Variants in CCNE2 observed in about 807,000 individuals in gnomAD.
The protein encoded by CCNE2 is cyclin E2, also known as G1/S-specific cyclin-E2.
In CCNE2, 18 loss-of-function variants were observed where a neutral mutation model predicts 56.8. That is an observed-to-expected ratio of 0.32 (90% CI 0.22 to 0.47). The LOEUF is 0.47. Among genes scored for constraint, CCNE2 ranks in the 20% least tolerant of loss-of-function variants. CCNE2 has a pLI of 1.00. For missense variants in CCNE2, 371 were observed against 467.1 expected (o/e 0.79, Z 1.90); for synonymous variants, 139 against 149.2 (o/e 0.93, Z 0.50).
intron 5 of CCNE2, chr8:94,891,098 G>A (rs1156900956): frequency 1.3e-5 from 2 of 152,180 alleles, no homozygotes; most frequent in African/African-American, 2.4e-5. Context: ...GTAACACAGT[G>A]GGAACCTGGA....
At chr8:94,885,881 G>A (rs949532880) in intron 7 of CCNE2, among the ~76,000 whole-genome samples, 1 of 151,850 alleles carries the variant, frequency 6.6e-6, no homozygotes, top group Non-Finnish European at 1.5e-5. Flanking sequence ...ACTGTGCCCG[G>A]CTATTTTTTG....
intron 6 of CCNE2, 68 bp from the exon 7 acceptor site, chr8:94,888,141 G>T: frequency 8.8e-7 from 1 of 1,139,302 alleles, no homozygotes; most frequent in Non-Finnish European, 1.2e-6. Context: ...TCATCTCTTA[G>T]CATATCAGAC....
intron 1 of CCNE2, 64 bp from the exon 2 acceptor site, chr8:94,894,311 T>C: frequency 5.2e-6 from 8 of 1,549,270 alleles, no homozygotes; most frequent in Non-Finnish European, 7.1e-6. Context: ...CAAGTGCCAG[T>C]AAGACGCTGA....
At chr8:94,890,578 T>TAC in intron 5 of CCNE2, 28 bp from the exon 6 acceptor site, 3 of 597,982 alleles carry the variant, frequency 5.0e-6, no homozygotes, top group African/African-American at 3.9e-5. Flanking sequence ...AAAAACCATA[T>TAC]ATATATATAT....
intron 6 of CCNE2, among the ~76,000 whole-genome samples, chr8:94,889,063 G>A (rs576276653): frequency 2.0e-5 from 3 of 151,832 alleles, no homozygotes; most frequent in Non-Finnish European, 4.4e-5. Flanking sequence ...CAAGAGAGTC[G>A]CTTGAACGCG....
At chr8:94,893,748 A>C in intron 4 of CCNE2, 143 bp downstream of exon 4, 6 of 779,704 alleles carry the variant, frequency 7.7e-6, no homozygotes, top group Non-Finnish European at 1.3e-5. Flanking sequence ...ACCCAAAGAT[A>C]GGCGCCTTCC....
chr8:94,892,504 A>G (rs1479878813), intron 5 of CCNE2, among the ~76,000 whole-genome samples: 1 of 152,224 alleles, frequency 6.6e-6, no homozygotes, highest in Non-Finnish European at 1.5e-5. Flanking sequence ...GCTGCAAGAA[A>G]CACGAATAAA....
Position 94,894,125 on chromosome 8 carries a change from G to A in CCNE2, c.15-6C>T. The A allele has an allele frequency of 1.9e-6, 3 of 1,613,630 alleles. No individual in the cohort carries two copies. The South Asian group carries it at 3.3e-5, about 18-fold the overall frequency. On this transcript the variant is annotated splice_polypyrimidine_tract_variant and splice_region_variant and intron_variant, in intron 2 of 11. Coordinates refer to ENST00000308108, the MANE Select transcript of CCNE2 (RefSeq NM_057749.3). ...GCTTAGCTTGTAAACGGCTACTGTAGTGAATTTTTAAAAAGGAAGTGTAAT... is the reference window on the plus strand; with the variant it reads ...GCTTAGCTTGTAAACGGCTACTGTAATGAATTTTTAAAAAGGAAGTGTAAT...
chr8:94,884,823 AAG>A (rs1816973468), intron 9 of CCNE2: 1 of 341,042 alleles, frequency 2.9e-6, no homozygotes, highest in East Asian at 4.8e-5. Flanking sequence ...TTATATCAAA[AAG>A]AGATACTTTA....
At position 94,888,072 on chromosome 8, in the gene CCNE2, A is replaced by G; in HGVS notation, c.455T>C (p.Val152Ala). 1 of 1,535,862 alleles carries G rather than the reference A, an allele frequency of 6.5e-7. No homozygotes were observed. The highest frequency in any genetic ancestry group is 8.8e-7 in the Non-Finnish European group (1 of 1,141,216). The change falls in exon 7 of 12, where the codon GTA becomes GCA. Residue 152 changes from valine to alanine, a missense_variant and splice_region_variant. By Grantham distance (64) the Val-to-Ala change is moderately conservative. Transcript: ENST00000308108. ...RSILLDWLLE[V>A]CEVYTLHRET... ...CCTATGAAGTGTGTATACTTCACAT[A>G]CCTAGAGAAGAATCCAAACATTTAA...
intron 6 of CCNE2, among the ~76,000 whole-genome samples, chr8:94,888,919 C>T (rs552322799): frequency 3.3e-5 from 5 of 152,246 alleles, no homozygotes; most frequent in African/African-American, 1.2e-4. Flanking sequence ...GAGGCCAAGG[C>T]GGGCGGATCA....
chr8:94,887,408 G>C (rs9650134), intron 7 of CCNE2, among the ~76,000 whole-genome samples: 1 of 152,268 alleles, frequency 6.6e-6, no homozygotes, highest in East Asian at 1.9e-4. Flanking sequence ...GGGAGGCTTA[G>C]GCAGAAGAAT....
intron 5 of CCNE2, chr8:94,891,783 C>CT (rs1817255189): frequency 6.9e-7 from 1 of 1,457,990 alleles, no homozygotes; most frequent in Non-Finnish European, 9.5e-7. Flanking sequence ...AGCAGTGGGA[C>CT]TGGACACAAG....
chr8:94,893,541 CA>C (rs1817323958), intron 4 of CCNE2: 2 of 226,004 alleles, frequency 8.8e-6, no homozygotes, highest in Admixed American at 1.1e-4. Context: ...AGTGATCTCA[CA>C]TCCTATTTAT....
At chr8:94,892,071 G>C in intron 5 of CCNE2, 1 of 672,722 alleles carries the variant, frequency 1.5e-6, no homozygotes, top group Non-Finnish European at 2.7e-6. Flanking sequence ...TATCCCAGAA[G>C]AAACTGAAGA....
rs1216552182 is a variant in CCNE2 at position 94,894,191 on chromosome 8, A to G, written c.14+17T>C. 1 of 1,614,010 alleles carries G rather than the reference A, an allele frequency of 6.2e-7. No homozygotes were observed. Among genetic ancestry groups the G allele is most frequent in the African/African-American group, 1.3e-5 (1 of 75,046 alleles). ...AGCAACTAATTTGAAACATGTCTCT[A>G]AGACAGATAATGTTACCTTCGTCTT... On this transcript the variant is annotated intron_variant, in intron 2 of 11. Transcript: ENST00000308108.
Position 94,892,986 on chromosome 8 carries a change from GAA to G in CCNE2, c.166-19_166-18del. 6.6e-7 allele frequency: 1 copy of G among 1,516,898 alleles called. No individual in the cohort carries two copies. The highest frequency in any genetic ancestry group is 8.7e-7 in the Non-Finnish European group (1 of 1,143,466). The allele number at this position is 1,516,898 out of a possible 1,614,324, so 94.0% of individuals were successfully genotyped here. The stretch of plus-strand genomic sequence containing the variant: ...CCAACAATTCTGTCATAAAAAAAAA[GAA>G]AAATATCAATTTGTGCAAGGAAAAC... On this transcript the variant is annotated intron_variant, in intron 4 of 11. Coordinates refer to ENST00000308108, the MANE Select transcript of CCNE2 (RefSeq NM_057749.3).
chr8:94,892,850 A>C lies in CCNE2; in HGVS notation c.285T>G (p.Leu95=). 2 of 1,474,048 alleles carry C rather than the reference A, an allele frequency of 1.4e-6. No homozygotes were observed. The highest frequency in any genetic ancestry group is 1.8e-6 in the Non-Finnish European group (2 of 1,096,028). 91.3% of individuals were successfully genotyped at this position (1,474,048 alleles called of 1,614,324 possible). A position where few individuals can be genotyped will look rare whatever the true frequency, so the allele number is the denominator to read the frequency against. ...CAGGCAAAGGTGAAGGATTAATAAA[A>C]AGATTTTTAAATCTGTAATTTGTAA... ...SRFTNYRFKN[L]FINPSPLPDL... is the part of the protein sequence containing the mutation. The change falls in exon 5 of 12, where the codon CTT becomes CTG. Residue 95 remains leucine (L), a synonymous_variant. Transcript: ENST00000308108.
intron 7 of CCNE2, among the ~76,000 whole-genome samples, chr8:94,887,649 A>G (rs998322354): frequency 6.6e-6 from 1 of 152,356 alleles, no homozygotes; most frequent in Middle Eastern, 3.4e-3. Flanking sequence ...TAGAGCATCA[A>G]TATGTTTCGT....
Sources: gnomAD v4.1 joint callset for allele counts (sites outside exome capture counted in the v4.1 genomes callset) on GRCh38, gnomAD v4.1.1 for gene constraint, MANE v1.5 for transcripts, NCBI Gene and HGNC (gene_info 2026-07-23, HGNC 2026-07-21) for gene names.